Variants in SPART observed in about 807,000 individuals in gnomAD.
The protein encoded by SPART is spartin.
Under a neutral mutation model 58.7 loss-of-function variants are expected in SPART, and 35 were observed. That is an observed-to-expected ratio of 0.60 (90% CI 0.46 to 0.79). The LOEUF is 0.79. Among genes scored for constraint, SPART ranks in the 30% least tolerant of loss-of-function variants. The probability of loss-of-function intolerance (pLI) is 0.00; values close to 1 mark genes in which losing one functional copy is unlikely to be tolerated. For synonymous variants in SPART, 284 were observed against 280.7 expected (o/e 1.01, Z -0.12); for missense variants, 730 against 786.1 (o/e 0.93, Z 0.85).
intron 8 of SPART, among the ~76,000 whole-genome samples, chr13:36,311,456 A>C (rs1428222402): frequency 6.6e-6 from 1 of 152,230 alleles, no homozygotes; most frequent in Non-Finnish European, 1.5e-5. Flanking sequence ...AATTTTTAAC[A>C]GTCTGTATAC....
intron 4 of SPART, among the ~76,000 whole-genome samples, chr13:36,327,046 G>A (rs138058365): frequency 2.6e-5 from 4 of 152,236 alleles, no homozygotes; most frequent in African/African-American, 9.6e-5. Flanking sequence ...ATGGTACTCA[G>A]TAAGATTAAA....
intron 8 of SPART, among the ~76,000 whole-genome samples, chr13:36,307,116 A>G (rs1260377473): frequency 6.6e-6 from 1 of 152,162 alleles, no homozygotes; most frequent in Non-Finnish European, 1.5e-5. Context: ...ACTCCTAGAA[A>G]GCATATGTCT....
intron 2 of SPART, among the ~76,000 whole-genome samples, chr13:36,333,401 T>G (rs1883643196): frequency 6.6e-6 from 1 of 151,174 alleles, no homozygotes; most frequent in Non-Finnish European, 1.5e-5. Context: ...AATATCTAAC[T>G]TCTAGTATTT....
intron 5 of SPART, among the ~76,000 whole-genome samples, chr13:36,320,402 C>T (rs933594641): frequency 6.6e-6 from 1 of 152,184 alleles, no homozygotes; most frequent in African/African-American, 2.4e-5. Flanking sequence ...CTTTCCTGTT[C>T]CTTACCCTGA....
rs140168225 is a variant in SPART at position 36,333,015 on chromosome 13, T to TC, written c.811-1420_811-1419insG. Among the ~76,000 whole-genome samples the TC allele has an allele frequency of 2.2e-3, 325 of 150,578 alleles. 1 individual carries two copies. The highest frequency in any genetic ancestry group is 6.8e-3 in the African/African-American group (281 of 41,286). On this transcript the variant is annotated intron_variant, in intron 2 of 8. Coordinates refer to ENST00000438666, the MANE Select transcript of SPART (RefSeq NM_015087.5). The stretch of plus-strand genomic sequence containing the variant: ...TAAAACTTAGGAAAGGTTTTTCTTT[T>TC]TTTTTTCTTTTTTTTAAACTATTCC...
intron 4 of SPART, among the ~76,000 whole-genome samples, chr13:36,327,850 C>T (rs771079559): frequency 1.4e-4 from 21 of 152,200 alleles, no homozygotes; most frequent in African/African-American, 4.6e-4. Context: ...AAACATTAGC[C>T]GGGCATGGTG....
At chr13:36,322,208 A>G (rs1423454881) in intron 5 of SPART, among the ~76,000 whole-genome samples, 1 of 152,130 alleles carries the variant, frequency 6.6e-6, no homozygotes, top group Non-Finnish European at 1.5e-5. Context: ...GCACTTTGGA[A>G]GGCCAAATTG....
At chr13:36,342,783 T>C (rs972728178) in intron 1 of SPART, among the ~76,000 whole-genome samples, 3 of 152,150 alleles carry the variant, frequency 2.0e-5, no homozygotes, top group Admixed American at 2.0e-4. Flanking sequence ...CAACGACATG[T>C]GTAATTTTAA....
At chr13:36,331,318 G>T in intron 3 of SPART, 81 bp downstream of exon 3, 1 of 1,165,072 alleles carries the variant, frequency 8.6e-7, no homozygotes, top group Non-Finnish European at 1.3e-6. Context: ...TTACAGTAGA[G>T]GTTATTACAA....
intron 5 of SPART, 110 bp downstream of exon 5, chr13:36,326,465 A>T (rs1231373512): frequency 1.4e-6 from 2 of 1,401,626 alleles, no homozygotes; most frequent in African/African-American, 2.9e-5. Flanking sequence ...ATCATTTAAA[A>T]CCAAAATACA....
upstream of SPART, among the ~76,000 whole-genome samples, chr13:36,349,132 G>T (rs762476250): frequency 6.6e-6 from 1 of 152,038 alleles, no homozygotes; most frequent in African/African-American, 2.4e-5. Flanking sequence ...GCGTGGTGGC[G>T]CATGCCTGTA....
intron 1 of SPART, among the ~76,000 whole-genome samples, chr13:36,345,814 T>C (rs558446771): frequency 6.6e-6 from 1 of 152,184 alleles, no homozygotes; most frequent in African/African-American, 2.4e-5. Context: ...GACGGGGCCA[T>C]GGGCGCTGCG....
chr13:36,369,363 A>T (rs1886187743), intron 1 of SPART: 1 of 152,186 alleles, frequency 6.6e-6, no homozygotes, highest in Non-Finnish European at 1.5e-5. Context: ...GTACTAGCAG[A>T]CATCTAAGGT....
intron 5 of SPART, among the ~76,000 whole-genome samples, chr13:36,325,312 A>G (rs1372726521): frequency 6.6e-6 from 1 of 152,204 alleles, no homozygotes; most frequent in Non-Finnish European, 1.5e-5. Flanking sequence ...TTTCAAGTCA[A>G]TTTTAACTAT....
At chr13:36,346,959 C>T (rs1256230408), upstream of SPART, among the ~76,000 whole-genome samples, 1 of 152,102 alleles carries the variant, frequency 6.6e-6, no homozygotes. Context: ...TCCAAAAGCC[C>T]GCCTGCACCA....
chr13:36,315,078 A>G (rs1486686203), intron 5 of SPART, among the ~76,000 whole-genome samples: 1 of 152,248 alleles, frequency 6.6e-6, no homozygotes, highest in South Asian at 2.1e-4. Context: ...TAAAAGAAGA[A>G]GAGTGAGGCC....
upstream of SPART, chr13:36,346,667 G>A (rs1224681013): frequency 6.6e-6 from 1 of 152,362 alleles, no homozygotes; most frequent in Non-Finnish European, 1.5e-5. Flanking sequence ...AAGGAGCGAG[G>A]GCGGCAGGCG....
intron 8 of SPART, among the ~76,000 whole-genome samples, chr13:36,311,920 T>C (rs1349082111): frequency 1.3e-5 from 2 of 151,676 alleles, no homozygotes; most frequent in African/African-American, 4.9e-5. Flanking sequence ...AAACCCCATT[T>C]CTACTAAAAA....
chr13:36,343,003 C>A (rs1884726186), intron 1 of SPART, among the ~76,000 whole-genome samples: 1 of 152,172 alleles, frequency 6.6e-6, no homozygotes, highest in African/African-American at 2.4e-5. Context: ...TCCCTACCAA[C>A]AAACAATAAG....
Sources: allele counts gnomAD v4.1 joint callset (sites outside exome capture counted in the v4.1 genomes callset), GRCh38; gene constraint gnomAD v4.1.1; transcripts MANE v1.5; gene names NCBI Gene and HGNC (gene_info 2026-07-23, HGNC 2026-07-21).